MAPK4: variants seen among roughly 807,000 people sequenced by gnomAD.
MAPK4 encodes mitogen-activated protein kinase 4, also known as Erk3-related.
In MAPK4, 22 loss-of-function variants were observed where a neutral mutation model predicts 47.7. The ratio of observed to expected loss-of-function variants is 0.46; its 90% CI spans 0.33 to 0.66. The LOEUF (loss-of-function observed/expected upper bound fraction) is 0.66. Ranked by LOEUF, MAPK4 falls within the 30% of genes least tolerant of loss-of-function variation. The probability of loss-of-function intolerance (pLI) is 0.02; values close to 1 mark genes in which losing one functional copy is unlikely to be tolerated. For synonymous variants in MAPK4, 390 were observed against 365.7 expected (o/e 1.07, Z -0.76); for missense variants, 736 against 831.7 (o/e 0.88, Z 1.42).
At chr18:50,654,281 G>A (rs2043083545) in intron 1 of MAPK4, among the ~76,000 whole-genome samples, 1 of 152,334 alleles carries the variant, frequency 6.6e-6, no homozygotes, top group Admixed American at 6.5e-5. Context: ...TCCCATGATG[G>A]CTTATTAAAT....
intron 1 of MAPK4, among the ~76,000 whole-genome samples, chr18:50,584,217 C>G (rs1317510503): frequency 2.0e-5 from 3 of 152,150 alleles, no homozygotes; most frequent in Non-Finnish European, 4.4e-5. Context: ...CTTGCTACAG[C>G]CAGGGAGTCT....
intron 3 of MAPK4, among the ~76,000 whole-genome samples, chr18:50,719,976 T>A (rs1276991227): frequency 2.0e-5 from 3 of 152,302 alleles, no homozygotes; most frequent in South Asian, 4.1e-4. Context: ...TCCAGGAGAT[T>A]CCTGTCCCTG....
chr18:50,647,025 C>T (rs1323418266), intron 1 of MAPK4, among the ~76,000 whole-genome samples: 2 of 152,220 alleles, frequency 1.3e-5, no homozygotes, highest in Admixed American at 6.5e-5. Flanking sequence ...ATCACATCTG[C>T]CCCTCCACTC....
chr18:50,645,551 T>C (rs1402291273), intron 1 of MAPK4, among the ~76,000 whole-genome samples: 1 of 151,914 alleles, frequency 6.6e-6, no homozygotes, highest in Non-Finnish European at 1.5e-5. Flanking sequence ...CTTATTTTAA[T>C]TTTTTTTTCT....
At chr18:50,680,472 A>T (rs2144313418) in intron 2 of MAPK4, among the ~76,000 whole-genome samples, 1 of 152,274 alleles carries the variant, frequency 6.6e-6, no homozygotes, top group South Asian at 2.1e-4. Context: ...CAATTCAATG[A>T]CTTTTAATGT....
chr18:50,719,544 C>A (rs1400538345), intron 3 of MAPK4, among the ~76,000 whole-genome samples: 1 of 152,194 alleles, frequency 6.6e-6, no homozygotes, highest in East Asian at 1.9e-4. Context: ...TCTTCCCACC[C>A]TAGCCATAGC....
chr18:50,702,472 A>T (rs549445680), intron 2 of MAPK4, among the ~76,000 whole-genome samples: 220 of 152,362 alleles, frequency 1.4e-3, no homozygotes, highest in African/African-American at 5.0e-3. Context: ...TGCTGCCAGC[A>T]GTTTGCCAAG....
rs142710860 is a variant in MAPK4 at position 50,679,060 on chromosome 18, C to T, written c.546+14556C>T. Among the ~76,000 whole-genome samples, 480 of 152,286 alleles carry T rather than the reference C, an allele frequency of 3.2e-3. 2 individuals are homozygous for T. Among genetic ancestry groups the T allele is most frequent in the African/African-American group, 0.011 (469 of 41,554 alleles). ...AGGTCTTCTTGGGGTCAAATTTTCC[C>T]CATTGTCAATCCCTATGCCTTTTAT... On this transcript the variant is annotated intron_variant, in intron 2 of 5. Transcript: ENST00000400384.
intron 4 of MAPK4, among the ~76,000 whole-genome samples, chr18:50,724,502 C>A (rs1598960653): frequency 6.6e-6 from 1 of 152,224 alleles, no homozygotes; most frequent in East Asian, 1.9e-4. Context: ...TGAAGCTGGG[C>A]CCCGCACTAG....
At chr18:50,647,927 A>G (rs890805015) in intron 1 of MAPK4, among the ~76,000 whole-genome samples, 2 of 151,732 alleles carry the variant, frequency 1.3e-5, no homozygotes, top group Non-Finnish European at 2.9e-5. Context: ...AACACTTGCC[A>G]CTCTCAAGTC....
chr18:50,694,184 T>C (rs370695173), intron 2 of MAPK4, among the ~76,000 whole-genome samples: 84 of 152,308 alleles, frequency 5.5e-4, no homozygotes, highest in African/African-American at 2.0e-3. Flanking sequence ...TCTGAAAAAC[T>C]TGGCCATCAG....
intron 1 of MAPK4, among the ~76,000 whole-genome samples, chr18:50,661,212 G>A (rs986890809): frequency 3.9e-5 from 6 of 152,178 alleles, no homozygotes; most frequent in Admixed American, 2.0e-4. Flanking sequence ...GACCAGGCTT[G>A]TGGGGAGAAA....
At chr18:50,723,581 G>C (rs1243322455) in intron 4 of MAPK4, among the ~76,000 whole-genome samples, 1 of 152,184 alleles carries the variant, frequency 6.6e-6, no homozygotes, top group Non-Finnish European at 1.5e-5. Flanking sequence ...GTATTTTCTG[G>C]GGCAGGTGTG....
chr18:50,723,947 G>A (rs1432348785), intron 4 of MAPK4, among the ~76,000 whole-genome samples: 3 of 152,002 alleles, frequency 2.0e-5, no homozygotes, highest in Non-Finnish European at 4.4e-5. Context: ...AGGATCAGCT[G>A]TCAGGGAGAG....
chr18:50,684,189 A>G (rs1908739674), intron 2 of MAPK4, among the ~76,000 whole-genome samples: 1 of 152,196 alleles, frequency 6.6e-6, no homozygotes, highest in South Asian at 2.1e-4. Context: ...GATTCCATTA[A>G]ATAACCTGGT....
Position 50,603,585 on chromosome 18 carries a change from T to A in MAPK4, c.-871+43342T>A, listed in dbSNP as rs1020416402. Among the ~76,000 whole-genome samples, 4 of 152,298 alleles carry A rather than the reference T, an allele frequency of 2.6e-5. No individual in the cohort carries two copies. In the East Asian group the frequency reaches 7.7e-4, roughly 29 times the overall value. ...CACTAGCCCAATGTCATCAGTCCTG[T>A]CTCTGCCTCTGAGTCCACAGCTGCA... On this transcript the variant is annotated intron_variant, in intron 1 of 5. Transcript: ENST00000400384.
chr18:50,593,345 A>G (rs1485841431), intron 1 of MAPK4, among the ~76,000 whole-genome samples: 1 of 152,044 alleles, frequency 6.6e-6, no homozygotes, highest in African/African-American at 2.4e-5. Flanking sequence ...AGTTCTCCCA[A>G]CAGTTTCTCA....
chr18:50,645,231 A>G (rs1425243734), intron 1 of MAPK4, among the ~76,000 whole-genome samples: 6 of 151,786 alleles, frequency 4.0e-5, no homozygotes, highest in African/African-American at 1.2e-4. Context: ...ATGAATGCCA[A>G]TGCGCCATCC....
chr18:50,650,934 G>A (rs570200233), intron 1 of MAPK4, among the ~76,000 whole-genome samples: 1 of 152,346 alleles, frequency 6.6e-6, no homozygotes, highest in African/African-American at 2.4e-5. Flanking sequence ...GACGTAGGAT[G>A]CCCTGTAAGG....
Sources: allele counts gnomAD v4.1 joint callset (sites outside exome capture counted in the v4.1 genomes callset), GRCh38; gene constraint gnomAD v4.1.1; transcripts MANE v1.5; gene names NCBI Gene and HGNC (gene_info 2026-07-23, HGNC 2026-07-21).